Variants in NFASC observed in about 807,000 individuals in gnomAD.
NFASC encodes neurofascin homolog.
NFASC carries 43 observed loss-of-function variants against 147.5 expected under a neutral mutation model. The ratio of observed to expected loss-of-function variants is 0.29; its 90% CI spans 0.23 to 0.38. The LOEUF is 0.38. Among genes scored for constraint, NFASC ranks in the 10% least tolerant of loss-of-function variants. NFASC has a pLI of 1.00. For synonymous variants in NFASC, 622 were observed against 665.5 expected, an observed-to-expected ratio of 0.93 and a Z score of 1.01; for missense variants, 1,320 against 1,689.0, an observed-to-expected ratio of 0.78 and a Z score of 3.83.
intron 1 of NFASC, among the ~76,000 whole-genome samples, chr1:204,890,211 A>G (rs903119863): frequency 6.6e-5 from 10 of 152,156 alleles, no homozygotes; most frequent in African/African-American, 9.7e-5. Context: ...GGTAACACCT[A>G]TCCCTTCCTG....
chr1:204,940,897 T>C (rs2093319524), intron 2 of NFASC, among the ~76,000 whole-genome samples: 1 of 152,268 alleles, frequency 6.6e-6, no homozygotes, highest in Non-Finnish European at 1.5e-5. Flanking sequence ...ATGATGCTGC[T>C]GTGAACATTT....
intron 1 of NFASC, among the ~76,000 whole-genome samples, chr1:204,839,826 C>A (rs537232180): frequency 6.6e-6 from 1 of 152,184 alleles, no homozygotes; most frequent in Non-Finnish European, 1.5e-5. Flanking sequence ...TGTTGGGTCT[C>A]CATCAGCTCT....
intron 1 of NFASC, among the ~76,000 whole-genome samples, chr1:204,906,274 A>G (rs1488749744): frequency 1.3e-5 from 2 of 152,194 alleles, no homozygotes; most frequent in East Asian, 1.9e-4. Flanking sequence ...GAATTTTGCC[A>G]AACACATAGA....
chr1:204,994,186 C>T (rs75655767), intron 24 of NFASC, among the ~76,000 whole-genome samples: 1,736 of 152,312 alleles, frequency 0.011, 22 homozygotes, highest in African/African-American at 0.039. Flanking sequence ...TTTCCTCTCT[C>T]TCATCTCTTG....
At chr1:204,897,576 T>A (rs2083620374) in intron 1 of NFASC, among the ~76,000 whole-genome samples, 1 of 150,978 alleles carries the variant, frequency 6.6e-6, no homozygotes, top group East Asian at 1.9e-4. Flanking sequence ...ATTTTCTTTT[T>A]CCTTTTTTTT....
At chr1:204,944,472 G>GGGGGC in intron 3 of NFASC, 66 bp downstream of exon 3, 2 of 402,576 alleles carry the variant, frequency 5.0e-6, no homozygotes, top group Non-Finnish European at 1.0e-5. Flanking sequence ...GGAGGGGAGG[G>GGGGGC]AAGGTCAGAG....
In NFASC at chr1:204,828,709, G is replaced by A; in HGVS notation, c.-273G>A. 1 of 985,660 alleles carries A rather than the reference G, an allele frequency of 1.0e-6. No individual in the cohort carries two copies. The highest frequency in any genetic ancestry group is 1.2e-6 in the Non-Finnish European group (1 of 830,160). 61.1% of individuals were successfully genotyped at this position (985,660 alleles called of 1,614,324 possible). The stretch of plus-strand genomic sequence containing the variant: ...GCTGGCGGCGAGAGGCGCTGCAGGG[G>A]ACGCGGGGGAAGTGGCGGCGCCGGC... On this transcript the variant is annotated 5_prime_UTR_variant, in exon 1 of 30. Transcript: ENST00000339876.
intron 1 of NFASC, chr1:204,870,781 A>G: frequency 1.7e-6 from 2 of 1,170,580 alleles, no homozygotes; most frequent in South Asian, 1.7e-5. Context: ...GCTTGAGATA[A>G]TAAAGCCCTG....
chr1:204,984,649 GA>G (rs76691062), intron 21 of NFASC, among the ~76,000 whole-genome samples: 38,768 of 151,860 alleles, frequency 0.26, 5,636 homozygotes, highest in Middle Eastern at 0.44. Flanking sequence ...CAAAGCCACT[GA>G]AAGCATGCAA....
intron 3 of NFASC, chr1:204,946,623 A>G: frequency 2.0e-6 from 1 of 493,726 alleles, no homozygotes; most frequent in Non-Finnish European, 4.1e-6. Flanking sequence ...CTGGCACTCT[A>G]TGGCCGAGGC....
At chr1:205,000,842 G>T in intron 25 of NFASC, 1 of 324,074 alleles carries the variant, frequency 3.1e-6, no homozygotes, top group Non-Finnish European at 5.8e-6. Context: ...AAAAAAAACA[G>T]AAAACAAAAA....
At chr1:204,886,357 A>G (rs1027817338) in intron 1 of NFASC, among the ~76,000 whole-genome samples, 1 of 152,210 alleles carries the variant, frequency 6.6e-6, no homozygotes, top group African/African-American at 2.4e-5. Context: ...ATTTTTGTAA[A>G]AAGTAATTAT....
intron 1 of NFASC, among the ~76,000 whole-genome samples, chr1:204,837,587 G>A (rs1228801440): frequency 6.6e-6 from 1 of 152,206 alleles, no homozygotes; most frequent in Non-Finnish European, 1.5e-5. Context: ...GGCACCTGGT[G>A]GTTTCTGAGG....
At chr1:204,835,283 C>T (rs568120785) in intron 1 of NFASC, among the ~76,000 whole-genome samples, 6 of 140,622 alleles carry the variant, frequency 4.3e-5, no homozygotes, top group East Asian at 4.5e-4. Flanking sequence ...TGCAGTGGCA[C>T]GATCTTGACT....
At chr1:204,965,199 G>A (rs1209049079) in intron 8 of NFASC, among the ~76,000 whole-genome samples, 1 of 152,106 alleles carries the variant, frequency 6.6e-6, no homozygotes, top group African/African-American at 2.4e-5. Context: ...ATACTCTCCA[G>A]GGATCCCTGC....
At chr1:204,919,305 G>A (rs531573454) in intron 1 of NFASC, among the ~76,000 whole-genome samples, 1 of 152,262 alleles carries the variant, frequency 6.6e-6, no homozygotes, top group African/African-American at 2.4e-5. Context: ...GATTACAGGC[G>A]TGAGCCACCG....
intron 2 of NFASC, among the ~76,000 whole-genome samples, chr1:204,923,986 T>A (rs993031300): frequency 6.6e-6 from 1 of 152,236 alleles, no homozygotes; most frequent in Non-Finnish European, 1.5e-5. Context: ...AAGAGGACCA[T>A]ATGCTCTAGC....
chr1:204,965,399 A>C (rs1427942992), intron 8 of NFASC, among the ~76,000 whole-genome samples: 1 of 152,180 alleles, frequency 6.6e-6, no homozygotes, highest in East Asian at 1.9e-4. Context: ...CTAGATTTTC[A>C]TATGAGTTCC....
At chr1:204,882,041 C>T (rs1053101594) in intron 1 of NFASC, among the ~76,000 whole-genome samples, 2 of 152,128 alleles carry the variant, frequency 1.3e-5, no homozygotes, top group Non-Finnish European at 1.5e-5. Context: ...CACCCTGCTT[C>T]TTGGCTATAA....
Sources: allele counts gnomAD v4.1 joint callset (sites outside exome capture counted in the v4.1 genomes callset), GRCh38; gene constraint gnomAD v4.1.1; transcripts MANE v1.5; gene names NCBI Gene and HGNC (gene_info 2026-07-23, HGNC 2026-07-21).